The following TXNDC15 variants were observed in gnomAD, a reference collection of about 807,000 sequenced individuals.
TXNDC15 encodes thioredoxin domain containing 15.
Under a neutral mutation model 35.0 loss-of-function variants are expected in TXNDC15, and 24 were observed. The ratio of observed to expected loss-of-function variants is 0.68; its 90% CI spans 0.50 to 0.96. The LOEUF (loss-of-function observed/expected upper bound fraction) is 0.96, where lower values mean the gene tolerates loss of function less well. Ranked by LOEUF, TXNDC15 falls within the 40% of genes least tolerant of loss-of-function variation. TXNDC15 has a pLI of 0.00. For missense variants in TXNDC15, 385 were observed against 453.3 expected (o/e 0.85, Z 1.37); for synonymous variants, 169 against 174.0 (o/e 0.97, Z 0.23).
At chr5:134,893,383 T>G in intron 2 of TXNDC15, 109 bp from the exon 3 acceptor site, 1 of 1,357,196 alleles carries the variant, frequency 7.4e-7, no homozygotes, top group East Asian at 2.3e-5. Context: ...TCGCTGCTCC[T>G]ACCCACCCGT....
chr5:134,874,113 A>C (rs1051197627), upstream of TXNDC15: 2 of 274,494 alleles, frequency 7.3e-6, no homozygotes, highest in Non-Finnish European at 1.4e-5. Context: ...TCAAGTAGCC[A>C]AGCTCTGACT....
intron 1 of TXNDC15, among the ~76,000 whole-genome samples, chr5:134,881,722 G>C (rs1163473806): frequency 1.9e-4 from 28 of 148,984 alleles, no homozygotes; most frequent in Admixed American, 1.7e-3. Flanking sequence ...CAGACGGGGT[G>C]GTGGCCGGGC....
In TXNDC15 at chr5:134,899,798, T is replaced by C. The variant is rs1318608042; in HGVS notation, c.*113T>C. 1.2e-6 allele frequency: 1 copy of C among 855,026 alleles called. No individual in the cohort carries two copies. The highest frequency in any genetic ancestry group is 1.7e-5 in the African/African-American group (1 of 57,428). The allele number at this position is 855,026 out of a possible 1,614,324, so 53.0% of individuals were successfully genotyped here. A position where few individuals can be genotyped will look rare whatever the true frequency, so the allele number is the denominator to read the frequency against. On this transcript the variant is annotated 3_prime_UTR_variant, in exon 5 of 5. Coordinates refer to ENST00000358387, the MANE Select transcript of TXNDC15 (RefSeq NM_024715.4). ...GTGTTGACTTGAAACTTCAGGCAGA[T>C]TAAAAGAATCATTTGTTGAACAACT... is the stretch of plus-strand genomic sequence containing the variant.
intron 1 of TXNDC15, among the ~76,000 whole-genome samples, chr5:134,882,017 C>A (rs1750160359): frequency 6.7e-6 from 1 of 150,360 alleles, no homozygotes; most frequent in African/African-American, 2.5e-5. Context: ...GACGGGGTGG[C>A]TGCCGGGCGG....
chr5:134,894,776 TCC>T (rs1750457648), intron 3 of TXNDC15, among the ~76,000 whole-genome samples: 1 of 152,138 alleles, frequency 6.6e-6, no homozygotes, highest in Non-Finnish European at 1.5e-5. Flanking sequence ...AATCAGATGC[TCC>T]TTAGTAGGTC....
At position 134,874,389 on chromosome 5, in the gene TXNDC15, C is replaced by A; in HGVS notation, c.-39C>A. 2 of 1,531,540 alleles carry A rather than the reference C, an allele frequency of 1.3e-6. No homozygotes were observed. The highest frequency in any genetic ancestry group is 8.8e-7 in the Non-Finnish European group (1 of 1,141,114). 94.9% of individuals were successfully genotyped at this position (1,531,540 alleles called of 1,614,324 possible). A position where few individuals can be genotyped will look rare whatever the true frequency, so the allele number is the denominator to read the frequency against. On this transcript the variant is annotated 5_prime_UTR_variant, in exon 1 of 5. Coordinates refer to ENST00000358387, the MANE Select transcript of TXNDC15 (RefSeq NM_024715.4). ...AGCCTTCCTCCGGCTGGCAGCACGA[C>A]TCGCGTAGCCGTGCGCCGATTGCCT...
chr5:134,876,404 T>C (rs1442889232), intron 1 of TXNDC15, among the ~76,000 whole-genome samples: 2 of 152,216 alleles, frequency 1.3e-5, no homozygotes, highest in Admixed American at 1.3e-4. Flanking sequence ...CCCTCTGTGT[T>C]ACCCTTGATG....
At chr5:134,882,662 AC>A (rs1750180807) in intron 1 of TXNDC15, among the ~76,000 whole-genome samples, 3 of 152,080 alleles carry the variant, frequency 2.0e-5, no homozygotes, top group South Asian at 4.1e-4. Flanking sequence ...ACACAGCGAA[AC>A]CCCGTCTCCA....
chr5:134,895,916 G>C (rs1472663592), intron 3 of TXNDC15: 1 of 183,156 alleles, frequency 5.5e-6, no homozygotes, highest in East Asian at 1.8e-4. Flanking sequence ...TCTTTTTTGA[G>C]GGACAGGGAT....
At chr5:134,876,784 C>T (rs897097833) in intron 1 of TXNDC15, among the ~76,000 whole-genome samples, 10 of 150,034 alleles carry the variant, frequency 6.7e-5, no homozygotes, top group African/African-American at 2.0e-4. Flanking sequence ...TTATGCTGGC[C>T]TCAGGTGCTG....
rs1748765056 is a variant in TXNDC15, at chr5:134,887,757, G to A, written c.166G>A (p.Ala56Thr). Reference sequence around the variant, plus strand: ...GCCTGCTCACCCTCTCCAGGTGGGGGCTGTGTACCTGGGTGAGGAGGAGCT... The same window carrying A: ...GCCTGCTCACCCTCTCCAGGTGGGGACTGTGTACCTGGGTGAGGAGGAGCT... ...EQPAHPLQVG[A>T]VYLGEEELLH... is the part of the protein sequence containing the mutation. Residue 56 changes from alanine to threonine, a missense_variant, in exon 2 of 5, where the codon GCT (alanine) becomes ACT (threonine). By Grantham distance (58) the Ala-to-Thr change is moderately conservative (BLOSUM62 0). Coordinates refer to ENST00000358387, the MANE Select transcript of TXNDC15 (RefSeq NM_024715.4). The A allele has an allele frequency of 6.8e-6, 11 of 1,613,320 alleles. No individual in the cohort carries two copies. The Middle Eastern group carries it at 6.6e-4, about 97-fold the overall frequency.
At chr5:134,896,692 G>A (rs1329998984) in intron 4 of TXNDC15, among the ~76,000 whole-genome samples, 7 of 142,866 alleles carry the variant, frequency 4.9e-5, no homozygotes. Flanking sequence ...CGCCCAGGCT[G>A]GGGTGCAGTG....
At chr5:134,881,728 C>T (rs1395771920) in intron 1 of TXNDC15, among the ~76,000 whole-genome samples, 4 of 148,668 alleles carry the variant, frequency 2.7e-5, no homozygotes, top group Non-Finnish European at 4.5e-5. Context: ...GGGTGGTGGC[C>T]GGGCAGAGGG....
chr5:134,885,368 A>G (rs1750255699), intron 1 of TXNDC15, among the ~76,000 whole-genome samples: 1 of 152,202 alleles, frequency 6.6e-6, no homozygotes, highest in African/African-American at 2.4e-5. Flanking sequence ...GTCCTTTTGT[A>G]TACTCTACTC....
intron 1 of TXNDC15, among the ~76,000 whole-genome samples, chr5:134,885,215 C>T (rs1750253367): frequency 6.6e-6 from 1 of 152,228 alleles, no homozygotes; most frequent in Non-Finnish European, 1.5e-5. Context: ...AGCCACTGCA[C>T]CTGGCCCCGT....
At position 134,899,540 on chromosome 5, in the gene TXNDC15, C is replaced by T; in HGVS notation, c.938C>T (p.Pro313Leu). Residue 313 changes from proline (P) to leucine (L), a missense_variant, in exon 5 of 5, where the codon CCT becomes CTT. Physicochemically the swap from Pro to Leu is moderately conservative, Grantham distance 98. Transcript: ENST00000358387. ...GTAACTCAAGCCGACCAAATAGGCC[C>T]TCTTCCCAGCACTTTGATAAAAAGT... is the stretch of plus-strand genomic sequence containing the variant. ...VVVTQADQIG[P>L]LPSTLIKSVD... 1 of 1,613,856 alleles carries T rather than the reference C, an allele frequency of 6.2e-7. No homozygotes were observed. Among genetic ancestry groups the T allele is most frequent in the South Asian group, 1.1e-5 (1 of 90,962 alleles).
intron 1 of TXNDC15, among the ~76,000 whole-genome samples, chr5:134,881,892 C>A (rs1357496784): frequency 6.7e-6 from 1 of 149,918 alleles, no homozygotes; most frequent in Non-Finnish European, 1.5e-5. Flanking sequence ...TAGGGGCGGC[C>A]GGGCAGAGGC....
intron 1 of TXNDC15, among the ~76,000 whole-genome samples, chr5:134,881,171 T>TTTTATATTTATTTA (rs1750135134): frequency 8.0e-6 from 1 of 124,314 alleles, no homozygotes; most frequent in Non-Finnish European, 1.6e-5. Flanking sequence ...GATAGGTTCT[T>TTTTATATTTATTTA]TTTATTTATT....
chr5:134,894,293 G>A (rs1314625038), intron 3 of TXNDC15, among the ~76,000 whole-genome samples: 5 of 151,570 alleles, frequency 3.3e-5, no homozygotes, highest in African/African-American at 1.2e-4. Context: ...GGGCTCAAGC[G>A]ATCGTCCTGA....
Sources: allele counts gnomAD v4.1 joint callset (sites outside exome capture counted in the v4.1 genomes callset), GRCh38; gene constraint gnomAD v4.1.1; transcripts MANE v1.5; gene names NCBI Gene and HGNC (gene_info 2026-07-23, HGNC 2026-07-21).